SLC35D2: variants seen among roughly 807,000 people sequenced by gnomAD.
SLC35D2 encodes the protein nucleotide sugar transporter SLC35D2.
Under a neutral mutation model 41.8 loss-of-function variants are expected in SLC35D2, and 43 were observed. The observed-to-expected ratio is 1.03, with a 90% CI of 0.81 to 1.33. SLC35D2 has a LOEUF of 1.33. SLC35D2 is among the 40% of genes most tolerant of loss of function. SLC35D2 has a pLI of 0.00. For missense variants in SLC35D2, 380 were observed against 408.4 expected, an observed-to-expected ratio of 0.93 and a Z score of 0.60; for synonymous variants, 150 against 163.9, an observed-to-expected ratio of 0.92 and a Z score of 0.65.
chr9:96,351,175 TAATA>T lies in SLC35D2; in HGVS notation c.420-8_420-5del, dbSNP rs1386910802. 1.9e-6 allele frequency: 3 copies of T among 1,588,830 alleles called. No homozygotes were observed. Among genetic ancestry groups the T allele is most frequent in the South Asian group, 1.1e-5 (1 of 90,518 alleles). ...GATGTTGAGTGAATACTGCTTCCTG[TAATA>T]AATACACAAATAAGAAAGGAAAGGG... On this transcript the variant is annotated splice_polypyrimidine_tract_variant and splice_region_variant and intron_variant, in intron 5 of 11. Transcript: ENST00000253270.
chr9:96,315,559 G>C lies in SLC35D2; in HGVS notation c.*1036-660C>G, dbSNP rs199622990. On this transcript the variant is annotated intron_variant and NMD_transcript_variant, in intron 11 of 11. Coordinates refer to the SLC35D2 transcript ENST00000650065. ...CACCATTCTCCTGCCTCAGCCTCCCGAGTAGCTGGGACTACAGGTGCCTGC... is the reference window on the plus strand; with the variant it reads ...CACCATTCTCCTGCCTCAGCCTCCCCAGTAGCTGGGACTACAGGTGCCTGC... Among the ~76,000 whole-genome samples, 30 of 150,706 alleles carry C rather than the reference G, an allele frequency of 2.0e-4. No homozygotes were observed. The East Asian group carries it at 6.0e-3, about 30-fold the overall frequency.
At chr9:96,334,997 TAGAC>T (rs1345512647) in intron 9 of SLC35D2, among the ~76,000 whole-genome samples, 8 of 152,222 alleles carry the variant, frequency 5.3e-5, no homozygotes, top group East Asian at 1.9e-4. Flanking sequence ...GAATGGAAGA[TAGAC>T]AGAAATGTTT....
intron 7 of SLC35D2, 34 bp from the exon 8 acceptor site, chr9:96,344,030 T>TC: frequency 1.4e-6 from 2 of 1,405,656 alleles, no homozygotes; most frequent in South Asian, 2.5e-5. Context: ...CCACTCAGTT[T>TC]CAGAAACGTG....
chr9:96,369,115 G>A (rs953804924), intron 1 of SLC35D2, among the ~76,000 whole-genome samples: 3 of 152,056 alleles, frequency 2.0e-5, no homozygotes, highest in Non-Finnish European at 4.4e-5. Context: ...GGGAGATGGT[G>A]GAGTGAGTGG....
intron 9 of SLC35D2, among the ~76,000 whole-genome samples, chr9:96,326,522 G>A (rs758215269): frequency 6.6e-6 from 1 of 151,980 alleles, no homozygotes; most frequent in Admixed American, 6.6e-5. Context: ...TCTAAGTTTC[G>A]GCCAGGTGTG....
intron 2 of SLC35D2, among the ~76,000 whole-genome samples, chr9:96,365,242 C>T (rs987191616): frequency 1.3e-5 from 2 of 151,666 alleles, no homozygotes; most frequent in South Asian, 2.1e-4. Context: ...CCCAGCTATT[C>T]GGGATACCGA....
intron 2 of SLC35D2, among the ~76,000 whole-genome samples, chr9:96,365,251 G>A (rs750030085): frequency 5.9e-5 from 9 of 151,884 alleles, no homozygotes; most frequent in Non-Finnish European, 1.2e-4. Context: ...TCGGGATACC[G>A]AGGTAGGAGG....
rs1828177292 is a variant in SLC35D2 at position 96,320,741 on chromosome 9, A to G, written c.*501T>C. 6.6e-6 allele frequency: 1 copy of G among 152,376 alleles called. No individual in the cohort carries two copies. The highest frequency in any genetic ancestry group is 1.9e-4 in the East Asian group (1 of 5,204). The allele number at this position is 152,376 out of a possible 1,614,324, so 9.4% of individuals were successfully genotyped here. A position where few individuals can be genotyped will look rare whatever the true frequency, so the allele number is the denominator to read the frequency against. On this transcript the variant is annotated 3_prime_UTR_variant, in exon 12 of 12. Transcript: ENST00000253270. ...TGATTTTTTATTTACTTTGATGATT[A>G]GGGAAAGATACCAACATAGCTTTCA...
At chr9:96,381,836 G>A (rs1010365687) in intron 1 of SLC35D2, among the ~76,000 whole-genome samples, 2 of 152,020 alleles carry the variant, frequency 1.3e-5, no homozygotes, top group African/African-American at 2.4e-5. Context: ...CTACCTCCCC[G>A]CCCAGGCACA....
At chr9:96,331,189 T>C (rs906990531) in intron 9 of SLC35D2, among the ~76,000 whole-genome samples, 20 of 152,198 alleles carry the variant, frequency 1.3e-4, no homozygotes, top group African/African-American at 4.8e-4. Flanking sequence ...TGAGCCACCA[T>C]GCCCGCATGA....
chr9:96,360,635 A>AAG (rs1449697154), intron 3 of SLC35D2, among the ~76,000 whole-genome samples: 1 of 145,492 alleles, frequency 6.9e-6, no homozygotes, highest in Non-Finnish European at 1.5e-5. Flanking sequence ...TCTCAAAAAA[A>AAG]AAAAAAAAAA....
At chr9:96,356,308 T>G (rs774174805) in intron 4 of SLC35D2, among the ~76,000 whole-genome samples, 5 of 152,106 alleles carry the variant, frequency 3.3e-5, no homozygotes, top group Non-Finnish European at 5.9e-5. Context: ...CAGGTAGTCC[T>G]TTACAGCAAC....
At chr9:96,369,304 A>G (rs1830592334) in intron 1 of SLC35D2, among the ~76,000 whole-genome samples, 1 of 152,172 alleles carries the variant, frequency 6.6e-6, no homozygotes, top group African/African-American at 2.4e-5. Flanking sequence ...ATCTAAATAA[A>G]GGTCATGGGT....
intron 9 of SLC35D2, among the ~76,000 whole-genome samples, chr9:96,331,311 G>A (rs1437848548): frequency 6.6e-6 from 1 of 152,156 alleles, no homozygotes; most frequent in Middle Eastern, 3.2e-3. Flanking sequence ...TCTCCTGTAT[G>A]CTTGCTTTTA....
chr9:96,363,567 C>T (rs1452294830), intron 3 of SLC35D2, among the ~76,000 whole-genome samples: 3 of 152,206 alleles, frequency 2.0e-5, no homozygotes, highest in Non-Finnish European at 4.4e-5. Context: ...ACGTTAGTTC[C>T]ATTCCACAGT....
At chr9:96,341,520 C>T (rs1829325997) in intron 8 of SLC35D2, among the ~76,000 whole-genome samples, 1 of 152,106 alleles carries the variant, frequency 6.6e-6, no homozygotes, top group South Asian at 2.1e-4. Flanking sequence ...TTTGCCTATA[C>T]GATAGAAATA....
intron 6 of SLC35D2, among the ~76,000 whole-genome samples, chr9:96,349,652 AG>A: frequency 6.6e-6 from 1 of 152,148 alleles, no homozygotes; most frequent in East Asian, 1.9e-4. Context: ...CAGCCTCCTG[AG>A]TAGCTGGGAT....
intron 2 of SLC35D2, among the ~76,000 whole-genome samples, chr9:96,366,612 C>A (rs1830485052): frequency 6.8e-6 from 1 of 146,132 alleles, no homozygotes; most frequent in African/African-American, 2.5e-5. Context: ...ACCTCTGCCT[C>A]CCAGTGAATG....
At chr9:96,371,766 G>C (rs1280722514) in intron 1 of SLC35D2, among the ~76,000 whole-genome samples, 1 of 109,596 alleles carries the variant, frequency 9.1e-6, no homozygotes. Context: ...TCGCTCTGTC[G>C]CCCAGGCTGG....
Sources: allele counts gnomAD v4.1 joint callset (sites outside exome capture counted in the v4.1 genomes callset), GRCh38; gene constraint gnomAD v4.1.1; transcripts MANE v1.5; gene names NCBI Gene and HGNC (gene_info 2026-07-23, HGNC 2026-07-21).